NAV3: variants seen among roughly 807,000 people sequenced by gnomAD.
NAV3 encodes neuron navigator 3, also known as pore membrane and/or filament interacting like protein 1.
NAV3 carries 87 observed loss-of-function variants against 244.7 expected under a neutral mutation model. That is an observed-to-expected ratio of 0.36 (90% confidence interval 0.30 to 0.42). The LOEUF is 0.42. NAV3 is among the 20% of genes least tolerant of loss of function. The pLI, the probability that NAV3 is intolerant of heterozygous loss-of-function variation, is 1.00. For synonymous variants in NAV3, 1,126 were observed against 1,042.2 expected (o/e 1.08, Z -1.55); for missense variants, 2,663 against 2,893.3 (o/e 0.92, Z 1.83).
chr12:78,016,126 T>G (rs1385767066), intron 8 of NAV3, among the ~76,000 whole-genome samples: 1 of 152,018 alleles, frequency 6.6e-6, no homozygotes, highest in Non-Finnish European at 1.5e-5. Flanking sequence ...TAACTTGGCT[T>G]TAGATCCTAT....
chr12:78,118,643 G>T (rs919457135), intron 14 of NAV3, among the ~76,000 whole-genome samples: 1 of 152,074 alleles, frequency 6.6e-6, no homozygotes, highest in African/African-American at 2.4e-5. Context: ...ATGAAAGTTT[G>T]GAATTTTTAC....
At chr12:78,180,827 T>C in intron 29 of NAV3, 44 bp from the exon 30 acceptor site, 10 of 1,532,858 alleles carry the variant, frequency 6.5e-6, no homozygotes, top group Non-Finnish European at 8.9e-6. Flanking sequence ...ATTTTCTCAA[T>C]CAAACCAACT....
chr12:77,733,988 T>TTTTG lies in NAV3; in HGVS notation c.72+161738_72+161741dup, dbSNP rs746886970. 1.7e-3 allele frequency among the ~76,000 whole-genome samples: 261 copies of TTTTG among 151,760 alleles called. 2 individuals carry two copies. Among genetic ancestry groups the TTTTG allele is most frequent in the Admixed American group, 2.9e-3 (44 of 15,204 alleles). On this transcript the variant is annotated intron_variant, in intron 2 of 8. Transcript: ENST00000550042. ...AAAGCAAGGAAAGGTAAGTCAAGAT[T>TTTTG]TTTGTTTGTTTGTTTGTTTCAGGAT... is the stretch of plus-strand genomic sequence containing the variant.
At chr12:78,063,533 G>A (rs1884590346) in intron 12 of NAV3, among the ~76,000 whole-genome samples, 1 of 152,054 alleles carries the variant, frequency 6.6e-6, no homozygotes, top group African/African-American at 2.4e-5. Flanking sequence ...CATCATAGTA[G>A]CACCTTGGGT....
chr12:78,157,969 A>G (rs1332729417), intron 22 of NAV3, among the ~76,000 whole-genome samples: 4 of 152,168 alleles, frequency 2.6e-5, no homozygotes, highest in Non-Finnish European at 4.4e-5. Context: ...AGCTAGGAAC[A>G]TGCACCTTTG....
At position 78,116,831 on chromosome 12, in the gene NAV3, C is replaced by T. The variant is rs1593649066; in HGVS notation, c.2696C>T (p.Thr899Ile). The T allele has an allele frequency of 6.2e-7, 1 of 1,613,094 alleles. No homozygotes were observed. Among genetic ancestry groups the T allele is most frequent in the African/African-American group, 1.3e-5 (1 of 74,992 alleles). ...GLSDTLDNIS[T>I]DDLNTTSSVS... ...AGTGACACCCTTGATAACATCAGCA[C>T]TGATGACCTGAACACCACATCCTCT... Residue 899 changes from threonine (T) to isoleucine (I), a missense_variant, in exon 13 of 40, where the codon ACT becomes ATT. By Grantham distance (89) the Thr-to-Ile change is moderately conservative (BLOSUM62 -1). Around this residue, in one of 6 missense-constraint regions of NAV3, gnomAD observed 1,521 missense variants for 1,497.0 expected, o/e 1.02. Coordinates refer to ENST00000397909, the MANE Select transcript of NAV3 (RefSeq NM_001024383.2).
Position 77,742,516 on chromosome 12 carries a change from TAAG to T in NAV3, c.72+170253_72+170255del, listed in dbSNP as rs1425243307. 1.4e-4 allele frequency among the ~76,000 whole-genome samples: 20 copies of T among 146,712 alleles called. No individual in the cohort carries two copies. The South Asian group carries it at 1.9e-3, about 14-fold the overall frequency. The stretch of plus-strand genomic sequence containing the variant: ...CATAGATTAGAAATATCAAAAAAAA[TAAG>T]AAAGAGTTAGGGATGTCATAAATGT... On this transcript the variant is annotated intron_variant, in intron 2 of 8. Coordinates refer to the NAV3 transcript ENST00000550042.
intron 22 of NAV3, among the ~76,000 whole-genome samples, chr12:78,152,412 A>G (rs1045517396): frequency 1.3e-5 from 2 of 151,766 alleles, no homozygotes; most frequent in East Asian, 1.9e-4. Context: ...AATTTTGTAT[A>G]TATCTGAACA....
chr12:78,168,904 T>C (rs1284565364), intron 24 of NAV3, 38 bp downstream of exon 24: 3 of 1,407,558 alleles, frequency 2.1e-6, no homozygotes, highest in African/African-American at 1.4e-5. Context: ...CCCAATATAA[T>C]AGACATCTAT....
intron 12 of NAV3, among the ~76,000 whole-genome samples, chr12:78,094,175 AT>A (rs982329374): frequency 6.6e-6 from 1 of 152,198 alleles, no homozygotes; most frequent in African/African-American, 2.4e-5. Flanking sequence ...TAACATATCA[AT>A]TTTGAATACA....
chr12:77,998,281 CTTCTTACCTTTT>C, intron 6 of NAV3, 44 bp from the exon 7 acceptor site: 1 of 1,342,140 alleles, frequency 7.5e-7, no homozygotes, highest in South Asian at 1.9e-5. Flanking sequence ...GCACCTCCTG[CTTCTTACCTTTT>C]TGTAATGTAC....
intron 2 of NAV3, among the ~76,000 whole-genome samples, chr12:77,798,738 A>G (rs1456692007): frequency 6.6e-6 from 1 of 152,228 alleles, no homozygotes; most frequent in Non-Finnish European, 1.5e-5. Flanking sequence ...CTTGAGGCCA[A>G]AATTCACATA....
chr12:77,681,870 A>G lies in NAV3; in HGVS notation c.72+109604A>G, dbSNP rs144257857. ...CATTTGTTCCTTTTTTAAATTGACA[A>G]GTAAAAATGGTATACATTTATGGTA... is the stretch of plus-strand genomic sequence containing the variant. On this transcript the variant is annotated intron_variant, in intron 2 of 8. Transcript: ENST00000550042. Among the ~76,000 whole-genome samples the G allele has an allele frequency of 7.8e-4, 119 of 152,326 alleles. No homozygotes were observed. The East Asian group carries it at 0.018, about 23-fold the overall frequency.
In NAV3 at chr12:77,824,894, A is replaced by C. The variant is rs112050631; in HGVS notation, c.73-115425A>C. Among the ~76,000 whole-genome samples, 985 of 150,648 alleles carry C rather than the reference A, an allele frequency of 6.5e-3. 17 individuals are homozygous for C. Among genetic ancestry groups the C allele is most frequent in the African/African-American group, 0.021 (848 of 40,722 alleles). ...GTGAGAGAACAAGACTCCGTCTCAA[A>C]AACAACAACAACAACAACAACAACA... On this transcript the variant is annotated intron_variant, in intron 2 of 8. Transcript: ENST00000550042.
In NAV3 at chr12:77,965,534, G is replaced by T. The variant is rs191625137; in HGVS notation, c.415-695G>T. The stretch of plus-strand genomic sequence containing the variant: ...CTTGGGAGAGTGAGGCCGGAGAATC[G>T]CTTGAACCCGAGAGAGGGAGGTTGC... On this transcript the variant is annotated intron_variant, in intron 3 of 39. Coordinates refer to ENST00000397909, the MANE Select transcript of NAV3 (RefSeq NM_001024383.2). Among the ~76,000 whole-genome samples, 154 of 152,226 alleles carry T rather than the reference G, an allele frequency of 1.0e-3. 1 individual carries two copies. Among genetic ancestry groups the T allele is most frequent in the Non-Finnish European group, 1.7e-3 (117 of 68,018 alleles).
intron 18 of NAV3, among the ~76,000 whole-genome samples, chr12:78,133,423 A>T (rs920487266): frequency 3.3e-5 from 5 of 151,032 alleles, no homozygotes; most frequent in African/African-American, 1.2e-4. Context: ...ACTTACCTTA[A>T]ATATGTCCTC....
intron 2 of NAV3, among the ~76,000 whole-genome samples, chr12:77,603,037 A>G (rs1206669087): frequency 6.6e-6 from 1 of 152,014 alleles, no homozygotes; most frequent in Admixed American, 6.6e-5. Context: ...CTATCTTGAC[A>G]TTACCTTTTG....
intron 1 of NAV3, among the ~76,000 whole-genome samples, chr12:77,926,436 C>T (rs1888226180): frequency 1.3e-5 from 2 of 152,018 alleles, no homozygotes; most frequent in South Asian, 4.1e-4. Flanking sequence ...GCAAGAGAGG[C>T]TTGGGAGGTA....
In NAV3 at chr12:78,058,922, G is replaced by T. The variant is rs115229206; in HGVS notation, c.2517-74G>T. The T allele has an allele frequency of 4.1e-4, 542 of 1,335,856 alleles. 2 individuals are homozygous for T. In the African/African-American group the frequency reaches 7.5e-3, roughly 19 times the overall value. 82.8% of individuals were successfully genotyped at this position (1,335,856 alleles called of 1,614,324 possible). A position where few individuals can be genotyped will look rare whatever the true frequency, so the allele number is the denominator to read the frequency against. On this transcript the variant is annotated intron_variant, in intron 11 of 39. Transcript: ENST00000397909. ...GTAATTATTGAAAATTGTGGACACC[G>T]TTTGTTTATTAAGTTAAATTGTACA...
Sources: gnomAD v4.1 joint callset for allele counts (sites outside exome capture counted in the v4.1 genomes callset) on GRCh38, gnomAD v4.1.1 for gene constraint, gnomAD v4.1.1 regional missense constraint, MANE v1.5 for transcripts, NCBI Gene and HGNC (gene_info 2026-07-23, HGNC 2026-07-21) for gene names.